Variants in BEND7 observed in about 807,000 individuals in gnomAD.
The protein encoded by BEND7 is BEN domain-containing protein 7.
BEND7 carries 28 observed loss-of-function variants against 50.9 expected under a neutral mutation model. The ratio of observed to expected loss-of-function variants is 0.55; its 90% CI spans 0.41 to 0.75. The LOEUF is 0.75. BEND7 is among the 30% of genes least tolerant of loss of function. The pLI, the probability that BEND7 is intolerant of heterozygous loss-of-function variation, is 0.00. For missense variants in BEND7, 477 were observed against 491.3 expected (o/e 0.97, Z 0.28); for synonymous variants, 170 against 183.9 (o/e 0.92, Z 0.61).
chr10:13,439,136 G>T, downstream of BEND7: 2 of 1,509,590 alleles, frequency 1.3e-6, no homozygotes, highest in South Asian at 2.5e-5. Flanking sequence ...GTGGAAAGAT[G>T]GGTGATACAC....
intron 7 of BEND7, among the ~76,000 whole-genome samples, chr10:13,449,094 T>C (rs113539348): frequency 1.4e-4 from 21 of 152,110 alleles, no homozygotes; most frequent in African/African-American, 4.3e-4. Context: ...ATATGGCACA[T>C]ACTGAAATGT....
At chr10:13,492,899 T>G in intron 4 of BEND7, 23 bp from the exon 5 acceptor site, 1 of 1,592,564 alleles carries the variant, frequency 6.3e-7, no homozygotes, top group South Asian at 1.2e-5. Flanking sequence ...AACAAAAATA[T>G]GGTACAGGCA....
intron 2 of BEND7, among the ~76,000 whole-genome samples, chr10:13,508,013 G>A (rs374138239): frequency 9.8e-5 from 15 of 152,308 alleles, no homozygotes; most frequent in African/African-American, 3.6e-4. Flanking sequence ...AGACTGATGG[G>A]CGGCCTGTCA....
intron 4 of BEND7, among the ~76,000 whole-genome samples, chr10:13,496,472 G>C (rs893305762): frequency 6.6e-6 from 1 of 152,202 alleles, no homozygotes; most frequent in African/African-American, 2.4e-5. Flanking sequence ...ATACACAGTT[G>C]TTCCCAAATT....
intron 6 of BEND7, among the ~76,000 whole-genome samples, chr10:13,477,973 A>G (rs1462464156): frequency 6.6e-6 from 1 of 152,224 alleles, no homozygotes; most frequent in African/African-American, 2.4e-5. Context: ...CTGACGGCAG[A>G]TAAGTTAACA....
intron 6 of BEND7, among the ~76,000 whole-genome samples, chr10:13,472,650 C>T (rs759106956): frequency 4.0e-5 from 6 of 149,970 alleles, no homozygotes; most frequent in East Asian, 2.0e-4. Flanking sequence ...GACTCGGGGT[C>T]GATACCCATC....
At position 13,441,427 on chromosome 10, in the gene BEND7, T is replaced by C; in HGVS notation, c.*316A>G. On this transcript the variant is annotated 3_prime_UTR_variant, in exon 9 of 9. Transcript: ENST00000466271. ...TTGCAGTTTTGATACGTATTTCCAG[T>C]GTGTAGATCCGTTCATCGCACACAT... 2 of 1,176,174 alleles carry C rather than the reference T, an allele frequency of 1.7e-6. No homozygotes were observed. The highest frequency in any genetic ancestry group is 2.1e-6 in the Non-Finnish European group (2 of 952,878). The allele number at this position is 1,176,174 out of a possible 1,614,324, so 72.9% of individuals were successfully genotyped here.
chr10:13,448,530 G>T (rs1024373039), intron 7 of BEND7, among the ~76,000 whole-genome samples: 2 of 152,176 alleles, frequency 1.3e-5, no homozygotes, highest in Non-Finnish European at 2.9e-5. Context: ...CTTAGCTACG[G>T]CTAGAAATAT....
chr10:13,442,662 C>T (rs184560565), intron 8 of BEND7: 2 of 152,270 alleles, frequency 1.3e-5, no homozygotes, highest in African/African-American at 2.4e-5. Context: ...CCGTTAAGAC[C>T]ATCTGTTAAA....
At chr10:13,524,862 G>A (rs1038602666) in intron 2 of BEND7, among the ~76,000 whole-genome samples, 7 of 152,022 alleles carry the variant, frequency 4.6e-5, no homozygotes, top group African/African-American at 1.2e-4. Context: ...ATCAATGATC[G>A]CTCATGTAAG....
intron 3 of BEND7, among the ~76,000 whole-genome samples, chr10:13,498,756 A>G (rs1239048253): frequency 6.6e-6 from 1 of 152,204 alleles, no homozygotes; most frequent in African/African-American, 2.4e-5. Flanking sequence ...GTCTTTAAAG[A>G]GCTGTGTCCC....
chr10:13,513,866 C>A (rs2078458457), intron 2 of BEND7, among the ~76,000 whole-genome samples: 1 of 152,236 alleles, frequency 6.6e-6, no homozygotes, highest in Admixed American at 6.5e-5. Context: ...ATGGTGGCAT[C>A]TGGCTCTTGG....
At chr10:13,485,350 C>G (rs1226992367) in intron 5 of BEND7, among the ~76,000 whole-genome samples, 1 of 152,032 alleles carries the variant, frequency 6.6e-6, no homozygotes, top group Non-Finnish European at 1.5e-5. Flanking sequence ...GGGCATTAAC[C>G]CCAGATTTTC....
intron 6 of BEND7, among the ~76,000 whole-genome samples, chr10:13,473,707 T>C (rs1195567954): frequency 6.6e-6 from 1 of 151,968 alleles, no homozygotes; most frequent in Non-Finnish European, 1.5e-5. Context: ...GTCATCACTG[T>C]TAGATTTGGG....
At chr10:13,477,486 A>T (rs1458305110) in intron 6 of BEND7, among the ~76,000 whole-genome samples, 3 of 152,176 alleles carry the variant, frequency 2.0e-5, no homozygotes, top group Non-Finnish European at 2.9e-5. Flanking sequence ...TTCTTTTTTT[A>T]AAAAATCTCT....
intron 2 of BEND7, among the ~76,000 whole-genome samples, chr10:13,525,232 G>A (rs1398889310): frequency 6.6e-6 from 1 of 152,152 alleles, no homozygotes; most frequent in African/African-American, 2.4e-5. Context: ...GACCTTATGG[G>A]TACTTCACTC....
At chr10:13,464,129 A>G (rs1482871330) in intron 6 of BEND7, among the ~76,000 whole-genome samples, 2 of 152,246 alleles carry the variant, frequency 1.3e-5, no homozygotes, top group African/African-American at 4.8e-5. Flanking sequence ...AGCGAAGCTG[A>G]AGACGCTGTT....
intron 2 of BEND7, among the ~76,000 whole-genome samples, chr10:13,505,392 T>C (rs1014586955): frequency 1.3e-5 from 2 of 152,144 alleles, no homozygotes; most frequent in East Asian, 3.9e-4. Context: ...AGCCCATGAA[T>C]TACAGCTCCC....
At chr10:13,456,778 CAT>C (rs1307374580) in intron 6 of BEND7, among the ~76,000 whole-genome samples, 1 of 152,186 alleles carries the variant, frequency 6.6e-6, no homozygotes, top group Non-Finnish European at 1.5e-5. Flanking sequence ...AATAAGCAAA[CAT>C]ATTTTCCACT....
Sources: allele counts gnomAD v4.1 joint callset (sites outside exome capture counted in the v4.1 genomes callset), GRCh38; gene constraint gnomAD v4.1.1; transcripts MANE v1.5; gene names NCBI Gene and HGNC (gene_info 2026-07-23, HGNC 2026-07-21).